The following TENM4 variants were observed in gnomAD, a reference collection of about 807,000 sequenced individuals.
TENM4 encodes the protein teneurin transmembrane protein 4.
TENM4 carries 82 observed loss-of-function variants against 243.3 expected under a neutral mutation model. The observed-to-expected ratio is 0.34, with a 90% CI of 0.28 to 0.40. The LOEUF is 0.40. Ranked by LOEUF, TENM4 falls within the 10% of genes least tolerant of loss-of-function variation. TENM4 has a pLI of 1.00. For missense variants in TENM4, 3,138 were observed against 3,673.3 expected (o/e 0.85, Z 3.77); for synonymous variants, 1,412 against 1,456.3 (o/e 0.97, Z 0.69).
At chr11:78,960,826 C>G (rs1857304540) in intron 6 of TENM4, among the ~76,000 whole-genome samples, 1 of 152,206 alleles carries the variant, frequency 6.6e-6, no homozygotes, top group Admixed American at 6.5e-5. Flanking sequence ...GGAGCATCCC[C>G]AAGTGCCAAG....
At chr11:79,274,287 G>T (rs1294488104) in intron 2 of TENM4, among the ~76,000 whole-genome samples, 1 of 152,216 alleles carries the variant, frequency 6.6e-6, no homozygotes, top group Non-Finnish European at 1.5e-5. Context: ...TCTCGTGAAG[G>T]TCTTTTGCAG....
intron 6 of TENM4, among the ~76,000 whole-genome samples, chr11:78,946,705 G>C (rs1359426621): frequency 3.9e-5 from 6 of 152,198 alleles, no homozygotes; most frequent in African/African-American, 1.4e-4. Context: ...AGATTCATAG[G>C]AGAGGGGTGA....
rs189228460 is a variant in TENM4 at position 78,851,271 on chromosome 11, C to G, written c.1681+2833G>C. On this transcript the variant is annotated intron_variant, in intron 12 of 33. Coordinates refer to ENST00000278550, the MANE Select transcript of TENM4 (RefSeq NM_001098816.3). ...AGGTGGTTCACTCAAGTCTGAGAAG[C>G]ACGGTATGACCTATTGGCCCTAAAA... Among the ~76,000 whole-genome samples, 28 of 152,274 alleles carry G rather than the reference C, an allele frequency of 1.8e-4. 1 individual carries two copies.
intron 3 of TENM4, among the ~76,000 whole-genome samples, chr11:79,212,337 C>G (rs1055931795): frequency 1.3e-5 from 2 of 152,204 alleles, no homozygotes; most frequent in Non-Finnish European, 1.5e-5. Context: ...GTCACCAAGG[C>G]CTGTGCCATC....
At chr11:79,149,561 T>A (rs529035239) in intron 3 of TENM4, among the ~76,000 whole-genome samples, 1 of 151,620 alleles carries the variant, frequency 6.6e-6, no homozygotes, top group African/African-American at 2.4e-5. Context: ...TTAAAAAACA[T>A]CTCATCTTTC....
intron 24 of TENM4, among the ~76,000 whole-genome samples, chr11:78,721,429 T>C (rs555719398): frequency 3.9e-5 from 6 of 152,342 alleles, no homozygotes; most frequent in South Asian, 4.1e-4. Flanking sequence ...AGTGAGATTC[T>C]TGCAGTAGGA....
At chr11:78,981,188 C>T (rs1488112985) in intron 6 of TENM4, among the ~76,000 whole-genome samples, 1 of 152,120 alleles carries the variant, frequency 6.6e-6, no homozygotes, top group African/African-American at 2.4e-5. Context: ...CAAGAAAGCA[C>T]ACCACAAGCA....
At chr11:79,096,238 G>A (rs1159727759) in intron 4 of TENM4, 1 of 152,152 alleles carries the variant, frequency 6.6e-6, no homozygotes, top group East Asian at 1.9e-4. Context: ...CACCATGCTG[G>A]GTCCTGGCAA....
At chr11:79,060,199 C>A (rs1860051452) in intron 6 of TENM4, among the ~76,000 whole-genome samples, 1 of 152,246 alleles carries the variant, frequency 6.6e-6, no homozygotes, top group Admixed American at 6.5e-5. Flanking sequence ...TGCCTCCCGA[C>A]CCCCAGCCTG....
intron 17 of TENM4, among the ~76,000 whole-genome samples, chr11:78,777,083 T>C (rs2136009607): frequency 6.6e-6 from 1 of 152,286 alleles, no homozygotes; most frequent in South Asian, 2.1e-4. Context: ...CTAAGACTCA[T>C]GGATGTGAAA....
chr11:79,406,596 G>A (rs553338473), intron 1 of TENM4, among the ~76,000 whole-genome samples: 5 of 152,080 alleles, frequency 3.3e-5, no homozygotes, highest in East Asian at 1.9e-4. Flanking sequence ...GGTAACACAC[G>A]CAACCATTTG....
rs556598328 is a variant in TENM4, at chr11:78,670,634, G to C, written c.5794-83C>G. The stretch of plus-strand genomic sequence containing the variant: ...CTACATACCCGAGACTTAAAGGGAC[G>C]GAATGAATGTCCAAGGAGAATCCTG... On this transcript the variant is annotated intron_variant, in intron 31 of 33. Coordinates refer to ENST00000278550, the MANE Select transcript of TENM4 (RefSeq NM_001098816.3). 4.0e-5 allele frequency: 51 copies of C among 1,283,240 alleles called. No individual in the cohort carries two copies. The East Asian group carries it at 9.7e-4, about 25-fold the overall frequency. 79.5% of individuals were successfully genotyped at this position (1,283,240 alleles called of 1,614,324 possible). A position where few individuals can be genotyped will look rare whatever the true frequency, so the allele number is the denominator to read the frequency against.
intron 23 of TENM4, among the ~76,000 whole-genome samples, chr11:78,724,120 G>A (rs994612276): frequency 8.8e-5 from 13 of 147,910 alleles, no homozygotes; most frequent in African/African-American, 3.0e-4. Context: ...GTCTCACTCT[G>A]TTGCCCAGGC....
intron 6 of TENM4, among the ~76,000 whole-genome samples, chr11:78,958,885 A>T (rs760731428): frequency 6.6e-6 from 1 of 152,238 alleles, no homozygotes; most frequent in East Asian, 1.9e-4. Flanking sequence ...CAAGGTCTCA[A>T]ATTGGTGGAA....
chr11:78,853,474 A>G (rs1267661646), intron 12 of TENM4, among the ~76,000 whole-genome samples: 1 of 152,282 alleles, frequency 6.6e-6, no homozygotes, highest in East Asian at 1.9e-4. Flanking sequence ...CTGGGAGCTG[A>G]GGCCCTCTTC....
chr11:78,968,987 C>A (rs1857490089), intron 6 of TENM4, among the ~76,000 whole-genome samples: 1 of 152,188 alleles, frequency 6.6e-6, no homozygotes, highest in African/African-American at 2.4e-5. Context: ...TGATAAGTCA[C>A]TTTACTTCTC....
chr11:79,286,681 T>C (rs1490171642), intron 2 of TENM4, among the ~76,000 whole-genome samples: 3 of 151,906 alleles, frequency 2.0e-5, no homozygotes, highest in East Asian at 3.9e-4. Flanking sequence ...AAAAAAAAAT[T>C]TTTTTTTAAA....
At chr11:78,758,400 A>T (rs1456356019) in intron 18 of TENM4, among the ~76,000 whole-genome samples, 1 of 152,232 alleles carries the variant, frequency 6.6e-6, no homozygotes, top group East Asian at 1.9e-4. Flanking sequence ...CATTGAGGTA[A>T]GCAGTGTGCT....
intron 2 of TENM4, among the ~76,000 whole-genome samples, chr11:79,275,243 C>CG (rs1856034925): frequency 7.8e-6 from 1 of 128,760 alleles, no homozygotes; most frequent in Non-Finnish European, 1.7e-5. Flanking sequence ...GTGTGTGTGT[C>CG]TGTGTGTGCG....
Sources: gnomAD v4.1 joint callset for allele counts (sites outside exome capture counted in the v4.1 genomes callset) on GRCh38, gnomAD v4.1.1 for gene constraint, MANE v1.5 for transcripts, NCBI Gene and HGNC (gene_info 2026-07-23, HGNC 2026-07-21) for gene names.